Variants in PDE4D observed in about 807,000 individuals in gnomAD.
PDE4D encodes 3',5'-cyclic-AMP phosphodiesterase 4D.
PDE4D carries 24 observed loss-of-function variants against 87.4 expected under a neutral mutation model. The ratio of observed to expected loss-of-function variants is 0.27; its 90% CI spans 0.20 to 0.39. PDE4D has a LOEUF of 0.39. PDE4D is among the 10% of genes least tolerant of loss of function. The pLI, the probability that PDE4D is intolerant of heterozygous loss-of-function variation, is 1.00. For missense variants in PDE4D, 714 were observed against 1,041.0 expected (o/e 0.69, Z 4.32); for synonymous variants, 384 against 383.2 (o/e 1.00, Z -0.02).
chr5:59,106,700 C>T (rs891364024), intron 5 of PDE4D, among the ~76,000 whole-genome samples: 23 of 152,274 alleles, frequency 1.5e-4, no homozygotes, highest in Non-Finnish European at 5.9e-5. Context: ...GCGGAGTTTG[C>T]GGTGAGCTGA....
chr5:60,371,040 C>T (rs1425197698), intron 1 of PDE4D, among the ~76,000 whole-genome samples: 1 of 152,172 alleles, frequency 6.6e-6, no homozygotes, highest in Non-Finnish European at 1.5e-5. Flanking sequence ...GCTTTGTTTT[C>T]ATTGCATATG....
intron 2 of PDE4D, among the ~76,000 whole-genome samples, chr5:60,009,973 A>G (rs563888889): frequency 1.3e-5 from 2 of 152,156 alleles, no homozygotes; most frequent in South Asian, 4.1e-4. Flanking sequence ...GAGTATGTAC[A>G]TTGTGGCCTC....
chr5:59,447,834 G>C (rs538603026), intron 1 of PDE4D, among the ~76,000 whole-genome samples: 2 of 152,306 alleles, frequency 1.3e-5, no homozygotes, highest in Non-Finnish European at 2.9e-5. Context: ...GAAGAGATCT[G>C]TGGCATTTCT....
At chr5:59,817,336 G>C (rs1030169585) in intron 1 of PDE4D, among the ~76,000 whole-genome samples, 1 of 152,112 alleles carries the variant, frequency 6.6e-6, no homozygotes, top group Non-Finnish European at 1.5e-5. Flanking sequence ...ACCATGTGTG[G>C]GACAGTGTCT....
chr5:59,384,427 A>C (rs1298408964), intron 1 of PDE4D, among the ~76,000 whole-genome samples: 1 of 152,174 alleles, frequency 6.6e-6, no homozygotes, highest in African/African-American at 2.4e-5. Flanking sequence ...TCCTTCTGCC[A>C]GAAGGATCAA....
chr5:59,094,728 T>A (rs1369244478), intron 5 of PDE4D, among the ~76,000 whole-genome samples: 1 of 152,164 alleles, frequency 6.6e-6, no homozygotes, highest in Non-Finnish European at 1.5e-5. Context: ...TAGAATCCAA[T>A]TGCAGTTAAT....
chr5:59,605,436 C>G (rs1325423350), intron 1 of PDE4D, among the ~76,000 whole-genome samples: 8 of 151,502 alleles, frequency 5.3e-5, no homozygotes, highest in African/African-American at 2.0e-4. Context: ...CAATTTTGTT[C>G]TTAAGTCTCT....
intron 1 of PDE4D, among the ~76,000 whole-genome samples, chr5:59,507,679 A>AG (rs1554198805): frequency 2.7e-4 from 32 of 118,712 alleles, no homozygotes; most frequent in African/African-American, 9.8e-4. Context: ...AAAAAAAAAA[A>AG]AAAAGAAAAG....
chr5:60,101,216 G>A (rs576083769), intron 2 of PDE4D, among the ~76,000 whole-genome samples: 11 of 152,046 alleles, frequency 7.2e-5, no homozygotes, highest in African/African-American at 2.4e-4. Context: ...AATAAAGAGG[G>A]GGGCAACCTT....
intron 3 of PDE4D, among the ~76,000 whole-genome samples, chr5:59,964,140 G>A (rs963655779): frequency 6.6e-5 from 10 of 152,112 alleles, no homozygotes; most frequent in African/African-American, 2.2e-4. Context: ...CCAATGTAAT[G>A]GGCCTAGAAC....
At chr5:60,169,487 CACA>C (rs1479559705) in intron 2 of PDE4D, among the ~76,000 whole-genome samples, 1 of 151,896 alleles carries the variant, frequency 6.6e-6, no homozygotes, top group Non-Finnish European at 1.5e-5. Flanking sequence ...TCACAAAGAG[CACA>C]ACAATTTTTT....
intron 1 of PDE4D, among the ~76,000 whole-genome samples, chr5:59,395,283 G>C (rs55697445): frequency 0.043 from 6,485 of 152,278 alleles, 240 homozygotes; most frequent in South Asian, 0.19. Context: ...GGGCAGGGCA[G>C]GGCACAGACA....
At chr5:59,339,344 T>C (rs1778297968) in intron 1 of PDE4D, among the ~76,000 whole-genome samples, 1 of 152,200 alleles carries the variant, frequency 6.6e-6, no homozygotes, top group South Asian at 2.1e-4. Context: ...TAATGAGAGA[T>C]GATAGAAGGC....
intron 3 of PDE4D, among the ~76,000 whole-genome samples, chr5:59,966,025 G>A (rs1760003903): frequency 6.6e-6 from 1 of 152,142 alleles, no homozygotes; most frequent in African/African-American, 2.4e-5. Context: ...AGGTAGCAAG[G>A]TCAGCCCTTT....
chr5:59,158,367 C>T (rs986334993), intron 5 of PDE4D, among the ~76,000 whole-genome samples: 1 of 152,174 alleles, frequency 6.6e-6, no homozygotes, highest in African/African-American at 2.4e-5. Flanking sequence ...CTTATACAAT[C>T]GAGTCCCTGA....
At chr5:59,061,685 T>A (rs1402491262) in intron 5 of PDE4D, among the ~76,000 whole-genome samples, 1 of 151,998 alleles carries the variant, frequency 6.6e-6, no homozygotes, top group Admixed American at 6.6e-5. Context: ...TCACTCAGAT[T>A]CCCCAATAGA....
chr5:59,824,669 A>G (rs1770110038), intron 1 of PDE4D, among the ~76,000 whole-genome samples: 1 of 152,186 alleles, frequency 6.6e-6, no homozygotes, highest in African/African-American at 2.4e-5. Context: ...GTAAGTATGA[A>G]TTTGGCGGGA....
Position 60,337,601 on chromosome 5 carries a change from A to G in PDE4D, c.-90+150341T>C, listed in dbSNP as rs1583461164. ...ATAAAAGGGATGGATTTTACTGTAA[A>G]TAAATAATACCTAAATAAACCAGAC... On this transcript the variant is annotated intron_variant, in intron 1 of 16. Coordinates refer to the PDE4D transcript ENST00000502484. Among the ~76,000 whole-genome samples the G allele has an allele frequency of 2.6e-5, 4 of 152,042 alleles. 1 individual carries two copies. In the South Asian group the frequency reaches 8.3e-4, roughly 32 times the overall value.
chr5:59,596,917 G>C (rs897600298), intron 1 of PDE4D, among the ~76,000 whole-genome samples: 1 of 152,088 alleles, frequency 6.6e-6, no homozygotes, highest in Non-Finnish European at 1.5e-5. Context: ...TGGGTTCAGT[G>C]CAAACTGATA....
Sources: gnomAD v4.1 joint callset for allele counts (sites outside exome capture counted in the v4.1 genomes callset) on GRCh38, gnomAD v4.1.1 for gene constraint, MANE v1.5 for transcripts, NCBI Gene and HGNC (gene_info 2026-07-23, HGNC 2026-07-21) for gene names.